The following EYA1 variants were observed in gnomAD, a reference collection of about 807,000 sequenced individuals.
EYA1 encodes the protein EYA transcriptional coactivator and phosphatase 1.
A neutral mutation model predicts 82.0 loss-of-function variants in EYA1; 16 were observed. The ratio of observed to expected loss-of-function variants is 0.20; its 90% CI spans 0.13 to 0.30. EYA1 has a LOEUF of 0.30. Ranked by LOEUF, EYA1 falls within the 10% of genes least tolerant of loss-of-function variation. The probability of loss-of-function intolerance (pLI) is 1.00; values close to 1 mark genes in which losing one functional copy is unlikely to be tolerated. For synonymous variants in EYA1, 261 were observed against 264.4 expected, an observed-to-expected ratio of 0.99 and a Z score of 0.12; for missense variants, 633 against 730.7, an observed-to-expected ratio of 0.87 and a Z score of 1.54.
chr8:71,389,365 T>C (rs1480793354), intron 2 of EYA1, among the ~76,000 whole-genome samples: 1 of 152,208 alleles, frequency 6.6e-6, no homozygotes, highest in Non-Finnish European at 1.5e-5. Flanking sequence ...ATGTGTTCTC[T>C]TTTATTAATT....
intron 17 of EYA1, among the ~76,000 whole-genome samples, chr8:71,203,214 GA>G (rs1322837827): frequency 1.3e-5 from 2 of 152,108 alleles, no homozygotes; most frequent in Non-Finnish European, 2.9e-5. Context: ...AGCGTTTAGG[GA>G]AAATGACTCA....
chr8:71,308,610 C>G (rs140236896), intron 7 of EYA1, among the ~76,000 whole-genome samples: 5 of 151,824 alleles, frequency 3.3e-5, no homozygotes, highest in African/African-American at 1.2e-4. Context: ...AGAACACAGC[C>G]TATGTCGATT....
rs1021368459 is a variant in EYA1 at position 71,408,810 on chromosome 8, T to A, written c.34-52299A>T. Among the ~76,000 whole-genome samples, 29 of 133,102 alleles carry A rather than the reference T, an allele frequency of 2.2e-4. 1 individual carries two copies. Among genetic ancestry groups the A allele is most frequent in the Admixed American group, 9.8e-4 (13 of 13,230 alleles). The allele number at this position is 133,102 out of a possible 152,430, so 87.3% of individuals were successfully genotyped here. On this transcript the variant is annotated intron_variant, in intron 2 of 18. Transcript: ENST00000643681. ...CACCCCATTGTCAACATTAGACAGA[T>A]CAACGAGCCAGAAAGTCAACAAGGA...
chr8:71,299,733 G>A lies in EYA1; in HGVS notation c.557-13C>T, dbSNP rs1341502401. On this transcript the variant is annotated splice_polypyrimidine_tract_variant and intron_variant, in intron 7 of 17. Coordinates refer to ENST00000340726, the MANE Select transcript of EYA1 (RefSeq NM_000503.6). Reference sequence around the variant, plus strand: ...GTAAAACTGCTACCTAAAACAAAATGAAAAGAAATACGATTATACCAGGCT... The same window carrying A: ...GTAAAACTGCTACCTAAAACAAAATAAAAAGAAATACGATTATACCAGGCT... 25 of 1,319,912 alleles carry A rather than the reference G, an allele frequency of 1.9e-5. No homozygotes were observed. Among genetic ancestry groups the A allele is most frequent in the Non-Finnish European group, 2.5e-5 (23 of 914,396 alleles). 81.8% of individuals were successfully genotyped at this position (1,319,912 alleles called of 1,614,324 possible). A position where few individuals can be genotyped will look rare whatever the true frequency, so the allele number is the denominator to read the frequency against.
intron 9 of EYA1, among the ~76,000 whole-genome samples, chr8:71,291,748 C>T (rs1201357932): frequency 6.6e-6 from 1 of 152,032 alleles, no homozygotes; most frequent in Admixed American, 6.6e-5. Flanking sequence ...TTAATGATAC[C>T]TAACACTTAT....
At chr8:71,452,206 G>A (rs543600337) in intron 2 of EYA1, among the ~76,000 whole-genome samples, 1 of 152,328 alleles carries the variant, frequency 6.6e-6, no homozygotes, top group African/African-American at 2.4e-5. Context: ...CTGCAAGGCA[G>A]CGGCAAGGCT....
chr8:71,537,124 G>A (rs550611907), intron 1 of EYA1, among the ~76,000 whole-genome samples: 48 of 152,256 alleles, frequency 3.2e-4, no homozygotes, highest in Admixed American at 5.2e-4. Context: ...CATTATCAAT[G>A]CTGCAAATGT....
intron 9 of EYA1, among the ~76,000 whole-genome samples, chr8:71,279,745 T>G (rs370081200): frequency 2.0e-5 from 3 of 152,202 alleles, no homozygotes; most frequent in African/African-American, 7.2e-5. Context: ...TCAAAGGCAC[T>G]GAAACTAACC....
rs1814260460 is a variant in EYA1 at position 71,531,355 on chromosome 8, A to C, written c.33+4389T>G. The C allele has an allele frequency of 3.3e-5, 5 of 152,228 alleles. No individual in the cohort carries two copies. The South Asian group carries it at 8.3e-4, about 25-fold the overall frequency. The allele number at this position is 152,228 out of a possible 1,614,324, so 9.4% of individuals were successfully genotyped here. A position where few individuals can be genotyped will look rare whatever the true frequency, so the allele number is the denominator to read the frequency against. ...GATGCTTATAAACCTGCCCCAGGTCATACAGCTAGTAAAAGATAAAACCAG... is the reference window on the plus strand; with the variant it reads ...GATGCTTATAAACCTGCCCCAGGTCCTACAGCTAGTAAAAGATAAAACCAG... On this transcript the variant is annotated intron_variant, in intron 2 of 18. Coordinates refer to the EYA1 transcript ENST00000643681.
intron 12 of EYA1, among the ~76,000 whole-genome samples, chr8:71,238,131 A>AT (rs779703093): frequency 2.8e-4 from 42 of 151,994 alleles, no homozygotes; most frequent in Admixed American, 9.2e-4. Context: ...TCATTCTTTC[A>AT]TTTTTTAACT....
At chr8:71,472,877 C>A (rs1255808373) in intron 2 of EYA1, among the ~76,000 whole-genome samples, 1 of 149,028 alleles carries the variant, frequency 6.7e-6, no homozygotes, top group Non-Finnish European at 1.5e-5. Context: ...ACCTTACTGT[C>A]TAGACAGACA....
intron 2 of EYA1, among the ~76,000 whole-genome samples, chr8:71,488,869 A>G (rs1810775869): frequency 1.3e-5 from 2 of 152,248 alleles, no homozygotes; most frequent in Admixed American, 6.5e-5. Flanking sequence ...GCAGATCTAC[A>G]TGCCTCTTCA....
chr8:71,331,546 A>T (rs1355163849), intron 4 of EYA1, among the ~76,000 whole-genome samples: 2 of 150,858 alleles, frequency 1.3e-5, no homozygotes, highest in Non-Finnish European at 3.0e-5. Flanking sequence ...AGACAAAAGC[A>T]GAAGGAATAA....
At chr8:71,296,950 C>A (rs562030517) in intron 9 of EYA1, among the ~76,000 whole-genome samples, 18 of 152,126 alleles carry the variant, frequency 1.2e-4, no homozygotes, top group Non-Finnish European at 2.2e-4. Flanking sequence ...TTAAAGAAAA[C>A]CATTTCTTTT....
At chr8:71,205,275 G>T (rs920047175) in intron 17 of EYA1, among the ~76,000 whole-genome samples, 2 of 151,936 alleles carry the variant, frequency 1.3e-5, no homozygotes, top group Non-Finnish European at 2.9e-5. Context: ...TATTAACAAG[G>T]CCACTTTTAC....
intron 2 of EYA1, among the ~76,000 whole-genome samples, chr8:71,522,619 CTTTTTTTT>C (rs35579621): frequency 0.052 from 7,024 of 135,558 alleles, 217 homozygotes; most frequent in Middle Eastern, 0.14. Flanking sequence ...TCAATACAAA[CTTTTTTTT>C]TTTTTTTTTT....
chr8:71,398,850 G>A (rs894873646), intron 2 of EYA1, among the ~76,000 whole-genome samples: 1 of 152,234 alleles, frequency 6.6e-6, no homozygotes, highest in Non-Finnish European at 1.5e-5. Context: ...TAAGTCTGCA[G>A]AGGTTTCTGC....
chr8:71,503,817 C>T (rs1215500742), intron 2 of EYA1, among the ~76,000 whole-genome samples: 1 of 152,170 alleles, frequency 6.6e-6, no homozygotes, highest in African/African-American at 2.4e-5. Flanking sequence ...CACCCAGCAT[C>T]CCCACAGACC....
intron 2 of EYA1, among the ~76,000 whole-genome samples, chr8:71,497,366 GA>G (rs1811492909): frequency 6.6e-6 from 1 of 152,092 alleles, no homozygotes; most frequent in South Asian, 2.1e-4. Context: ...AAATATATAA[GA>G]ACTCAAACAA....
Sources: gnomAD v4.1 joint callset for allele counts (sites outside exome capture counted in the v4.1 genomes callset) on GRCh38, gnomAD v4.1.1 for gene constraint, MANE v1.5 for transcripts, NCBI Gene and HGNC (gene_info 2026-07-23, HGNC 2026-07-21) for gene names.